The following KANSL1L variants were observed in gnomAD, a reference collection of about 807,000 sequenced individuals.
The protein encoded by KANSL1L is KAT8 regulatory NSL complex subunit 1-like protein.
KANSL1L carries 25 observed loss-of-function variants against 108.6 expected under a neutral mutation model. The ratio of observed to expected loss-of-function variants is 0.23; its 90% confidence interval spans 0.17 to 0.32. The LOEUF (loss-of-function observed/expected upper bound fraction) is 0.32. Among genes scored for constraint, KANSL1L ranks in the 10% least tolerant of loss-of-function variants. KANSL1L has a pLI of 1.00. For missense variants in KANSL1L, 1,137 were observed against 1,125.7 expected (o/e 1.01, Z -0.14); for synonymous variants, 405 against 395.1 (o/e 1.03, Z -0.30).
chr2:210,079,005 C>T (rs189138053), intron 5 of KANSL1L, among the ~76,000 whole-genome samples: 1 of 152,180 alleles, frequency 6.6e-6, no homozygotes, highest in African/African-American at 2.4e-5. Context: ...GGCTGGAAGG[C>T]AGTAGAACAA....
At chr2:210,083,993 T>G (rs977502860) in intron 5 of KANSL1L, among the ~76,000 whole-genome samples, 1 of 152,108 alleles carries the variant, frequency 6.6e-6, no homozygotes, top group African/African-American at 2.4e-5. Flanking sequence ...TCCTAGACCA[T>G]TTCCCTTACT....
chr2:210,168,461 A>C (rs74980443), intron 1 of KANSL1L, among the ~76,000 whole-genome samples: 1,637 of 152,236 alleles, frequency 0.011, 26 homozygotes, highest in African/African-American at 0.035. Context: ...TGAGCTACCA[A>C]GAACCATCTC....
chr2:210,044,772 TTTTTA>T lies in KANSL1L; in HGVS notation c.1756-673_1756-669del, dbSNP rs974225224. Reference sequence around the variant, plus strand: ...GACAAATTGCATTAACAGATTTTATTTTTTATTTTATTTTTTTGAGACAGTCTCGC... The same window carrying T: ...GACAAATTGCATTAACAGATTTTATTTTTTATTTTTTTGAGACAGTCTCGC... On this transcript the variant is annotated intron_variant, in intron 6 of 14. Transcript: ENST00000281772. This position sits in a 1 kb window ranked among gnomAD's most constrained non-coding sequence, Gnocchi z 4.2. Among the ~76,000 whole-genome samples the T allele has an allele frequency of 2.0e-5, 3 of 152,102 alleles. No homozygotes were observed.
At chr2:210,077,658 C>A (rs192483324) in intron 5 of KANSL1L, among the ~76,000 whole-genome samples, 319 of 152,280 alleles carry the variant, frequency 2.1e-3, no homozygotes, top group Non-Finnish European at 3.9e-3. Context: ...TTAGGCAGAA[C>A]TTACACTGGC....
intron 11 of KANSL1L, chr2:210,028,594 TAATA>T (rs1450983510): frequency 9.3e-6 from 3 of 323,076 alleles, no homozygotes; most frequent in Non-Finnish European, 1.7e-5. Flanking sequence ...CACTGGATAA[TAATA>T]ATAAAAAAGA....
intron 3 of KANSL1L, among the ~76,000 whole-genome samples, chr2:210,123,606 G>C (rs2095040791): frequency 6.6e-6 from 1 of 152,028 alleles, no homozygotes; most frequent in Non-Finnish European, 1.5e-5. Flanking sequence ...TCTAGTATTT[G>C]ATAGCACAAC....
intron 3 of KANSL1L, among the ~76,000 whole-genome samples, chr2:210,119,093 A>C (rs1326275833): frequency 1.3e-5 from 2 of 152,010 alleles, no homozygotes; most frequent in African/African-American, 4.8e-5. Flanking sequence ...CTGAGGCAGG[A>C]GAATCTCTTG....
At chr2:210,063,440 T>C (rs1484093079) in intron 6 of KANSL1L, among the ~76,000 whole-genome samples, 3 of 152,164 alleles carry the variant, frequency 2.0e-5, no homozygotes, top group Non-Finnish European at 4.4e-5. Flanking sequence ...TCTAGAATGG[T>C]AGATCTGCAG....
At chr2:210,105,679 G>A (rs1183840754) in intron 3 of KANSL1L, among the ~76,000 whole-genome samples, 1 of 151,652 alleles carries the variant, frequency 6.6e-6, no homozygotes, top group Non-Finnish European at 1.5e-5. Context: ...TTCAGTTATG[G>A]TATTAAATGT....
chr2:210,155,503 T>C lies in KANSL1L; in HGVS notation c.-29-892A>G, dbSNP rs576827662. Among the ~76,000 whole-genome samples the C allele has an allele frequency of 2.4e-4, 36 of 152,328 alleles. 1 individual carries two copies. In the South Asian group the frequency reaches 7.0e-3, roughly 30 times the overall value. On this transcript the variant is annotated intron_variant, in intron 1 of 14. Coordinates refer to ENST00000281772, the MANE Select transcript of KANSL1L (RefSeq NM_152519.4). ...TATGTGATAGTAAAAACTTGCCTAATGCAATGTCTCCTCTAAACGTATCTG... is the reference window on the plus strand; with the variant it reads ...TATGTGATAGTAAAAACTTGCCTAACGCAATGTCTCCTCTAAACGTATCTG...
At chr2:210,079,694 ATGTGTG>A (rs1407036569) in intron 5 of KANSL1L, 2 of 15,782 alleles carry the variant, frequency 1.3e-4, no homozygotes, top group African/African-American at 2.0e-4. Flanking sequence ...ATATATATGT[ATGTGTG>A]TATATATATA....
chr2:210,140,744 G>C (rs1259664394), intron 2 of KANSL1L, among the ~76,000 whole-genome samples: 1 of 152,116 alleles, frequency 6.6e-6, no homozygotes, highest in Non-Finnish European at 1.5e-5. Context: ...GCTTTGGGTT[G>C]TATGGACATT....
At chr2:210,051,352 C>T (rs73005340) in intron 6 of KANSL1L, among the ~76,000 whole-genome samples, 13,276 of 152,080 alleles carry the variant, frequency 0.087, 752 homozygotes, top group Non-Finnish European at 0.13. Context: ...TGGATGTCTC[C>T]CACTTTTAAG....
chr2:210,033,798 A>G (rs1023250501), intron 8 of KANSL1L, among the ~76,000 whole-genome samples: 10 of 150,268 alleles, frequency 6.7e-5, no homozygotes, highest in African/African-American at 2.5e-4. Context: ...TCAGCCTCCC[A>G]AAGTGCTGGG....
Position 210,044,591 on chromosome 2 carries a change from T to G in KANSL1L, c.1756-487A>C, listed in dbSNP as rs1306377400. 6.6e-6 allele frequency among the ~76,000 whole-genome samples: 1 copy of G among 151,866 alleles called. No homozygotes were observed. The highest frequency in any genetic ancestry group is 1.5e-5 in the Non-Finnish European group (1 of 67,948). On this transcript the variant is annotated intron_variant, in intron 6 of 14. Coordinates refer to ENST00000281772, the MANE Select transcript of KANSL1L (RefSeq NM_152519.4). This position sits in a 1 kb window ranked among gnomAD's most constrained non-coding sequence, Gnocchi z 4.2. Reference sequence around the variant, plus strand: ...GAATGATATGGATTGCAGGGTTTGTTTTTTTTTGGGGGGGGTATGGTTCTT... The same window carrying G: ...GAATGATATGGATTGCAGGGTTTGTGTTTTTTTGGGGGGGGTATGGTTCTT...
intron 5 of KANSL1L, 122 bp from the exon 6 acceptor site, chr2:210,075,878 T>C (rs1261355454): frequency 1.5e-6 from 1 of 681,428 alleles, no homozygotes; most frequent in Non-Finnish European, 2.4e-6. Context: ...AGTATTAATT[T>C]TAACCAATTT....
chr2:210,167,395 C>A lies in KANSL1L; in HGVS notation c.-30+3754G>T, dbSNP rs1005880229. ...TAAAGGAATTTAATTAAAGATAAAGCCACTTGGGTGGCTACATAACACATC... is the reference window on the plus strand; with the variant it reads ...TAAAGGAATTTAATTAAAGATAAAGACACTTGGGTGGCTACATAACACATC... On this transcript the variant is annotated intron_variant, in intron 1 of 14. Coordinates refer to ENST00000281772, the MANE Select transcript of KANSL1L (RefSeq NM_152519.4). Among the ~76,000 whole-genome samples, 6 of 152,000 alleles carry A rather than the reference C, an allele frequency of 3.9e-5. No homozygotes were observed. The East Asian group carries it at 1.2e-3, about 29-fold the overall frequency.
intron 3 of KANSL1L, among the ~76,000 whole-genome samples, chr2:210,104,589 TA>T (rs1276558942): frequency 2.6e-5 from 4 of 152,066 alleles, no homozygotes; most frequent in East Asian, 3.8e-4. Flanking sequence ...CATATTAAAA[TA>T]AAAAAAGGCA....
rs569379795 is a variant in KANSL1L, at chr2:210,147,517, C to T, written c.1088+5978G>A. Among the ~76,000 whole-genome samples the T allele has an allele frequency of 1.4e-4, 22 of 152,292 alleles. No homozygotes were observed. In the East Asian group the frequency reaches 4.2e-3, roughly 29 times the overall value. On this transcript the variant is annotated intron_variant, in intron 2 of 14. Transcript: ENST00000281772. ...TTAGCTACTAGTCTGTTCACAATTA[C>T]ACTTTTGAATTTCTGCCCTTTACTT...
Sources: allele counts gnomAD v4.1 joint callset (sites outside exome capture counted in the v4.1 genomes callset), GRCh38; gene constraint gnomAD v4.1.1; non-coding constraint Gnocchi (gnomAD v3.1); transcripts MANE v1.5; gene names NCBI Gene and HGNC (gene_info 2026-07-23, HGNC 2026-07-21).